Variants in HDLBP observed in about 807,000 individuals in gnomAD.
The protein encoded by HDLBP is high density lipoprotein binding protein, also known as vigilin.
HDLBP carries 30 observed loss-of-function variants against 137.3 expected under a neutral mutation model. That is an observed-to-expected ratio of 0.22 (90% CI 0.16 to 0.30). HDLBP has a LOEUF of 0.30. HDLBP is among the 10% of genes least tolerant of loss of function. The pLI is 1.00. For synonymous variants in HDLBP, 606 were observed against 596.0 expected, an observed-to-expected ratio of 1.02 and a Z score of -0.24; for missense variants, 1,119 against 1,667.3, an observed-to-expected ratio of 0.67 and a Z score of 5.73.
At position 241,309,070 on chromosome 2, in the gene HDLBP, C is replaced by G. The variant is rs547385744; in HGVS notation, c.-103+6500G>C. Among the ~76,000 whole-genome samples the G allele has an allele frequency of 9.2e-5, 14 of 152,312 alleles. 2 individuals are homozygous for G. The highest frequency in any genetic ancestry group is 1.9e-4 in the East Asian group (1 of 5,180). ...CCTCTTATAACGCTCTTCCCCAGAT[C>G]GCTGCCCATGGCTTGTTTGCTCATC... On this transcript the variant is annotated intron_variant, in intron 1 of 27. Coordinates refer to ENST00000310931, the MANE Select transcript of HDLBP (RefSeq NM_005336.6).
In HDLBP at chr2:241,264,567, T is replaced by C; in HGVS notation, c.115A>G (p.Thr39Ala). Reference sequence around the variant, plus strand: ...AGTGGAGGGAAGGCATCCTTGTAGGTTGGAGGGTCGCTCTCCTCTTCTGAA... The same window carrying C: ...AGTGGAGGGAAGGCATCCTTGTAGGCTGGAGGGTCGCTCTCCTCTTCTGAA... The part of the protein sequence containing the change: ...LNSEEESDPP[T>A]YKDAFPPLPE... The change falls in exon 4 of 28, where the codon ACC becomes GCC. Residue 39 changes from threonine to alanine, a missense_variant. By Grantham distance (58) the Thr-to-Ala change is moderately conservative. Transcript: ENST00000310931. 1 of 1,613,814 alleles carries C rather than the reference T, an allele frequency of 6.2e-7. No homozygotes were observed. The highest frequency in any genetic ancestry group is 8.5e-7 in the Non-Finnish European group (1 of 1,179,934).
At chr2:241,232,330 C>T (rs1465976116) in intron 24 of HDLBP, among the ~76,000 whole-genome samples, 2 of 150,822 alleles carry the variant, frequency 1.3e-5, no homozygotes, top group South Asian at 2.1e-4. Context: ...GGCTGGAGTG[C>T]AATGGCATGA....
rs750637396 is a variant in HDLBP, at chr2:241,240,090, G to C, written c.2202C>G (p.Ala734=). 4 of 1,614,160 alleles carry C rather than the reference G, an allele frequency of 2.5e-6. No homozygotes were observed. Among genetic ancestry groups the C allele is most frequent in the Non-Finnish European group, 3.4e-6 (4 of 1,180,034 alleles). Residue 734 remains alanine, a synonymous_variant, in exon 18 of 28, where the codon GCC becomes GCG. Transcript: ENST00000310931. The surrounding 1 kb of genome is among the most constrained non-coding windows in gnomAD (Gnocchi z 5.5). ...QTKSFTVDIR[A]KPEYHKFLIG... is the part of the protein sequence containing the mutation. ...TGAGGAATTTGTGGTATTCTGGCTT[G>C]GCGCGGATGTCAACAGTGAAACTCT...
chr2:241,253,541 A>G (rs770743831), intron 9 of HDLBP, 44 bp from the exon 10 acceptor site: 3 of 1,367,570 alleles, frequency 2.2e-6, no homozygotes, highest in South Asian at 2.3e-5. Context: ...AGAATGGCAC[A>G]GCTGCAGCCC....
rs111373679 is a variant in HDLBP at position 241,242,184 on chromosome 2, A to G, written c.2169+276T>C. Among the ~76,000 whole-genome samples the G allele has an allele frequency of 3.6e-3, 552 of 152,302 alleles. 3 individuals carry two copies. The highest frequency in any genetic ancestry group is 0.013 in the African/African-American group (523 of 41,574). ...CTTAAAACTCAACTATACCTGAAGA[A>G]TGGCCAATTTTACTGTAAATCATAT... On this transcript the variant is annotated intron_variant, in intron 17 of 27. Transcript: ENST00000310931.
intron 5 of HDLBP, among the ~76,000 whole-genome samples, chr2:241,260,544 A>G (rs1337814718): frequency 6.6e-6 from 1 of 152,224 alleles, no homozygotes; most frequent in Non-Finnish European, 1.5e-5. Flanking sequence ...TCTTCTTTAC[A>G]AGAATTATCA....
rs1034723847 is a variant in HDLBP, at chr2:241,278,576, C to T, written c.-102-10035G>A. On this transcript the variant is annotated intron_variant, in intron 1 of 27. Transcript: ENST00000310931. ...CCAGCCTGGGCAACAGAGCAAGACTCCATCTCCAAAAAAAAAAAAATTCAA... is the reference window on the plus strand; with the variant it reads ...CCAGCCTGGGCAACAGAGCAAGACTTCATCTCCAAAAAAAAAAAAATTCAA... 4.3e-4 allele frequency among the ~76,000 whole-genome samples: 63 copies of T among 146,216 alleles called. 4 individuals carry two copies. Among genetic ancestry groups the T allele is most frequent in the Non-Finnish European group, 1.5e-5 (1 of 65,780 alleles).
chr2:241,273,729 C>T (rs2074281726), intron 1 of HDLBP: 1 of 915,822 alleles, frequency 1.1e-6, no homozygotes, highest in Non-Finnish European at 1.3e-6. Context: ...GAGGTAGGGG[C>T]ACACCCAGCC....
intron 9 of HDLBP, among the ~76,000 whole-genome samples, chr2:241,254,145 G>T (rs1254849717): frequency 1.3e-5 from 2 of 152,128 alleles, no homozygotes; most frequent in African/African-American, 4.8e-5. Context: ...GGCGCCTGTA[G>T]TGCCAGCTAC....
In HDLBP at chr2:241,238,835, C is replaced by A. The variant is rs764240572; in HGVS notation, c.2611-48G>T. The A allele has an allele frequency of 6.8e-7, 1 of 1,464,106 alleles. No individual in the cohort carries two copies. Among genetic ancestry groups the A allele is most frequent in the South Asian group, 1.5e-5 (1 of 68,790 alleles). 90.7% of individuals were successfully genotyped at this position (1,464,106 alleles called of 1,614,324 possible). On this transcript the variant is annotated intron_variant, in intron 19 of 27. Transcript: ENST00000310931. The surrounding 1 kb of genome is among the most constrained non-coding windows in gnomAD (Gnocchi z 4.9). The stretch of plus-strand genomic sequence containing the variant: ...AAAAGAAAAGAGCAAAGATTAAATT[C>A]CTTAGGGCAAGTTTTACAGCACTCT...
At position 241,240,082 on chromosome 2, in the gene HDLBP, T is replaced by C. The variant is rs1405888654; in HGVS notation, c.2210A>G (p.Glu737Gly). The change falls in exon 18 of 28, where the codon GAA (glutamate) becomes GGA (glycine). Residue 737 changes from glutamate to glycine, a missense_variant. Coordinates refer to ENST00000310931, the MANE Select transcript of HDLBP (RefSeq NM_005336.6). This position sits in a 1 kb window ranked among gnomAD's most constrained non-coding sequence, Gnocchi z 5.5. ...CTTGCCGATGAGGAATTTGTGGTAT[T>C]CTGGCTTGGCGCGGATGTCAACAGT... is the stretch of plus-strand genomic sequence containing the variant. ...SFTVDIRAKP[E>G]YHKFLIGKGG... 4 of 1,614,198 alleles carry C rather than the reference T, an allele frequency of 2.5e-6. No individual in the cohort carries two copies. Among genetic ancestry groups the C allele is most frequent in the Admixed American group, 1.7e-5 (1 of 60,030 alleles).
At chr2:241,297,481 A>C (rs959113865) in intron 1 of HDLBP, among the ~76,000 whole-genome samples, 6 of 152,226 alleles carry the variant, frequency 3.9e-5, no homozygotes. Context: ...GATATTAAAA[A>C]ATGAGACTGT....
intron 1 of HDLBP, among the ~76,000 whole-genome samples, chr2:241,277,174 T>C (rs1331247177): frequency 2.6e-5 from 4 of 152,134 alleles, no homozygotes; most frequent in South Asian, 4.1e-4. Flanking sequence ...AGCAATTATA[T>C]ATCCCACCTT....
At chr2:241,236,914 G>C (rs1269003752) in intron 20 of HDLBP, 145 bp from the exon 21 acceptor site, 1 of 688,698 alleles carries the variant, frequency 1.5e-6, no homozygotes, top group Admixed American at 2.5e-5. Flanking sequence ...AGGAGGTCTT[G>C]GTCTGGTCAG....
intron 1 of HDLBP, among the ~76,000 whole-genome samples, chr2:241,279,296 T>C (rs2074512118): frequency 2.0e-5 from 3 of 152,250 alleles, no homozygotes; most frequent in Admixed American, 6.5e-5. Flanking sequence ...ACAAGTTTTC[T>C]ATATGTAATT....
chr2:241,313,305 A>C (rs1019275769), intron 1 of HDLBP, among the ~76,000 whole-genome samples: 1 of 152,212 alleles, frequency 6.6e-6, no homozygotes, highest in Non-Finnish European at 1.5e-5. Flanking sequence ...TTTGAGACAC[A>C]GTCTCACTCT....
At position 241,240,764 on chromosome 2, in the gene HDLBP, G is replaced by A. The variant is rs1455583198; in HGVS notation, c.2170-642C>T. ...CCCTTGTGTGGCAGTAAGAAAACGA[G>A]GGTCCTGGAAAGGCCCCGGACACTG... On this transcript the variant is annotated intron_variant, in intron 17 of 27. Transcript: ENST00000310931. This position sits in a 1 kb window ranked among gnomAD's most constrained non-coding sequence, Gnocchi z 5.5. Among the ~76,000 whole-genome samples the A allele has an allele frequency of 6.6e-6, 1 of 152,114 alleles. No homozygotes were observed. The highest frequency in any genetic ancestry group is 2.4e-5 in the African/African-American group (1 of 41,436).
At chr2:241,266,227 T>C (rs992721684) in intron 3 of HDLBP, among the ~76,000 whole-genome samples, 15 of 151,926 alleles carry the variant, frequency 9.9e-5, no homozygotes, top group African/African-American at 2.2e-4. Flanking sequence ...GTTCCCCCCC[T>C]TTTTTTTACA....
chr2:241,299,249 G>C (rs368381764), intron 1 of HDLBP, among the ~76,000 whole-genome samples: 1 of 152,060 alleles, frequency 6.6e-6, no homozygotes, highest in East Asian at 1.9e-4. Flanking sequence ...GGCCGGGCGC[G>C]GTGGCTCACG....
Sources: gnomAD v4.1 joint callset for allele counts (sites outside exome capture counted in the v4.1 genomes callset) on GRCh38, gnomAD v4.1.1 for gene constraint, Gnocchi (gnomAD v3.1) non-coding constraint, MANE v1.5 for transcripts, NCBI Gene and HGNC (gene_info 2026-07-23, HGNC 2026-07-21) for gene names.